The following ELAVL4 variants were observed in gnomAD, a reference collection of about 807,000 sequenced individuals.
ELAVL4 encodes ELAV like RNA binding protein 4.
A neutral mutation model predicts 35.6 loss-of-function variants in ELAVL4; 1 was observed. That is an observed-to-expected ratio of 0.03 (90% CI 0.01 to 0.13). The LOEUF is 0.13. Among genes scored for constraint, ELAVL4 ranks in the 10% least tolerant of loss-of-function variants. ELAVL4 has a pLI of 1.00. For synonymous variants in ELAVL4, 156 were observed against 171.0 expected, an observed-to-expected ratio of 0.91 and a Z score of 0.69; for missense variants, 267 against 464.9, an observed-to-expected ratio of 0.57 and a Z score of 3.91.
In ELAVL4 at chr1:50,058,955, G is replaced by T. The variant is rs148813435; in HGVS notation, c.18+10773G>T. 6.9e-3 allele frequency among the ~76,000 whole-genome samples: 1,045 copies of T among 152,016 alleles called. 11 individuals are homozygous for T. Among genetic ancestry groups the T allele is most frequent in the African/African-American group, 0.023 (972 of 41,444 alleles). ...TCTTGTTCCTTTATTCACTATTCTG[G>T]TTAATGGCACCACCATTTACCCAGT... On this transcript the variant is annotated intron_variant, in intron 1 of 6. Transcript: ENST00000448907.
chr1:50,103,005 G>A (rs1482158070), upstream of ELAVL4, among the ~76,000 whole-genome samples: 2 of 152,154 alleles, frequency 1.3e-5, no homozygotes, highest in African/African-American at 4.8e-5. Context: ...AGTGCTTTAA[G>A]AGTATGGTCA....
intron 2 of ELAVL4, among the ~76,000 whole-genome samples, chr1:50,170,608 T>C (rs1293159978): frequency 6.6e-6 from 1 of 152,232 alleles, no homozygotes; most frequent in East Asian, 1.9e-4. Context: ...GCATTTGACT[T>C]ACCTGAGGAT....
chr1:50,198,979 G>A (rs1007458914), intron 6 of ELAVL4, among the ~76,000 whole-genome samples: 1 of 152,104 alleles, frequency 6.6e-6, no homozygotes, highest in Non-Finnish European at 1.5e-5. Context: ...AACAGAAAGA[G>A]GTCAGTTCAC....
chr1:50,068,289 C>A (rs953018054), intron 1 of ELAVL4, among the ~76,000 whole-genome samples: 10 of 152,102 alleles, frequency 6.6e-5, no homozygotes, highest in Non-Finnish European at 7.4e-5. Context: ...TGTCTTCATG[C>A]AAGAGCAGTC....
At chr1:50,078,470 G>T (rs752741165) in intron 1 of ELAVL4, among the ~76,000 whole-genome samples, 5 of 151,924 alleles carry the variant, frequency 3.3e-5, no homozygotes, top group Admixed American at 2.0e-4. Context: ...CTTAACAATT[G>T]TGCTAGCAGA....
intron 3 of ELAVL4, among the ~76,000 whole-genome samples, chr1:50,185,422 C>A (rs970034183): frequency 2.6e-5 from 4 of 152,210 alleles, no homozygotes; most frequent in African/African-American, 4.8e-5. Flanking sequence ...GGCTTGGTAA[C>A]CTTTCAGGGA....
At chr1:50,103,043 A>C (rs560482939), upstream of ELAVL4, among the ~76,000 whole-genome samples, 41 of 152,330 alleles carry the variant, frequency 2.7e-4, no homozygotes, top group African/African-American at 9.6e-4. Context: ...GTAAGCATAC[A>C]CTGACTCTGG....
intron 2 of ELAVL4, among the ~76,000 whole-genome samples, chr1:50,160,025 T>C (rs931691772): frequency 3.9e-5 from 6 of 152,112 alleles, no homozygotes; most frequent in Non-Finnish European, 8.8e-5. Flanking sequence ...AATTATTGAG[T>C]ACTGAGCACG....
At chr1:50,162,058 C>T (rs1432737610) in intron 2 of ELAVL4, among the ~76,000 whole-genome samples, 2 of 152,142 alleles carry the variant, frequency 1.3e-5, no homozygotes, top group African/African-American at 4.8e-5. Flanking sequence ...TATTAAAGGC[C>T]TGTATGGGCT....
At chr1:50,165,738 G>A (rs1265756491) in intron 2 of ELAVL4, among the ~76,000 whole-genome samples, 1 of 127,436 alleles carries the variant, frequency 7.8e-6, no homozygotes, top group East Asian at 2.5e-4. Context: ...GTATATGTGT[G>A]TATATATACA....
chr1:50,058,894 G>A (rs114361333), intron 1 of ELAVL4, among the ~76,000 whole-genome samples: 3,545 of 152,148 alleles, frequency 0.023, 50 homozygotes, highest in Non-Finnish European at 0.034. Context: ...ATGAGTTACC[G>A]CACCTGGCCC....
At position 50,146,017 on chromosome 1, in the gene ELAVL4, A is replaced by G. The variant is rs573703119; in HGVS notation, c.250+820A>G. On this transcript the variant is annotated intron_variant, in intron 2 of 6. Coordinates refer to ENST00000371824, the MANE Select transcript of ELAVL4 (RefSeq NM_001144774.3). ...TTGGAATATATTAGGCTACATAATG[A>G]TGGCAGTGAAGCTGCTACTCTCTGA... Among the ~76,000 whole-genome samples the G allele has an allele frequency of 2.0e-5, 3 of 152,352 alleles. No homozygotes were observed. The South Asian group carries it at 6.2e-4, about 32-fold the overall frequency.
At chr1:50,163,750 C>T (rs1449361293) in intron 2 of ELAVL4, among the ~76,000 whole-genome samples, 1 of 152,168 alleles carries the variant, frequency 6.6e-6, no homozygotes, top group African/African-American at 2.4e-5. Flanking sequence ...TGCTTGAATA[C>T]AGGAAGCAGA....
At chr1:50,126,231 A>G (rs1401236084) in intron 1 of ELAVL4, among the ~76,000 whole-genome samples, 1 of 152,112 alleles carries the variant, frequency 6.6e-6, no homozygotes, top group Non-Finnish European at 1.5e-5. Flanking sequence ...AGGACTGTGA[A>G]GAAAATAAAA....
chr1:50,092,180 A>G (rs1665523947), intron 1 of ELAVL4, among the ~76,000 whole-genome samples: 1 of 152,232 alleles, frequency 6.6e-6, no homozygotes, highest in African/African-American at 2.4e-5. Context: ...TATATAGACA[A>G]GTTATGATGG....
At chr1:50,126,839 A>G (rs1670011122) in intron 1 of ELAVL4, among the ~76,000 whole-genome samples, 1 of 152,062 alleles carries the variant, frequency 6.6e-6, no homozygotes, top group Non-Finnish European at 1.5e-5. Context: ...TAAAAGAATG[A>G]TTTTCCAAAT....
At chr1:50,174,493 T>C (rs1013241905) in intron 2 of ELAVL4, 1 of 151,906 alleles carries the variant, frequency 6.6e-6, no homozygotes, top group Admixed American at 6.6e-5. Context: ...TGTTTGTTTT[T>C]TTTTTTTTCA....
At chr1:50,146,407 GA>G (rs1403116274) in intron 2 of ELAVL4, among the ~76,000 whole-genome samples, 2 of 152,054 alleles carry the variant, frequency 1.3e-5, no homozygotes, top group Admixed American at 6.5e-5. Flanking sequence ...TGAAAAACTG[GA>G]AGATAATGCT....
intron 1 of ELAVL4, chr1:50,114,867 A>T (rs1175953214): frequency 1.3e-5 from 2 of 152,152 alleles, no homozygotes; most frequent in Non-Finnish European, 2.9e-5. Context: ...TGGAATTGTT[A>T]AAAAAGAACA....
Sources: gnomAD v4.1 joint callset for allele counts (sites outside exome capture counted in the v4.1 genomes callset) on GRCh38, gnomAD v4.1.1 for gene constraint, MANE v1.5 for transcripts, NCBI Gene and HGNC (gene_info 2026-07-23, HGNC 2026-07-21) for gene names.